MICU1: variants seen among roughly 807,000 people sequenced by gnomAD.
MICU1 encodes mitochondrial calcium uptake 1.
MICU1 carries 45 observed loss-of-function variants against 56.8 expected under a neutral mutation model. The observed-to-expected ratio is 0.79, with a 90% CI of 0.62 to 1.02. The LOEUF is 1.02. MICU1 is among the 50% of genes least tolerant of loss of function. MICU1 has a pLI of 0.00. For synonymous variants in MICU1, 186 were observed against 195.1 expected (o/e 0.95, Z 0.39); for missense variants, 504 against 587.1 (o/e 0.86, Z 1.46).
At position 72,563,018 on chromosome 10, in the gene MICU1, G is replaced by A; in HGVS notation, c.207C>T (p.Asp69=). ...CTTTATTCTTCCCTTTATCACCGAT[G>A]TCACTTTTTAGGTTGTCTACACATG... ...SPPCVDNLKS[D]IGDKGKNKDE... is the part of the protein sequence containing the mutation. The change falls in exon 3 of 12, where the codon GAC becomes GAT. Residue 69 remains aspartate, a synonymous_variant. Coordinates refer to ENST00000361114, the MANE Select transcript of MICU1 (RefSeq NM_001195518.2). The A allele has an allele frequency of 4.4e-6, 7 of 1,603,662 alleles. No individual in the cohort carries two copies. Among genetic ancestry groups the A allele is most frequent in the African/African-American group, 1.3e-5 (1 of 74,570 alleles).
chr10:72,507,182 A>G (rs1025530511), intron 6 of MICU1, among the ~76,000 whole-genome samples: 8 of 152,184 alleles, frequency 5.3e-5, no homozygotes, highest in Non-Finnish European at 1.2e-4. Context: ...AAAAATTGCA[A>G]ATCACTTATT....
At chr10:72,408,107 G>T in intron 9 of MICU1, 70 bp from the exon 10 acceptor site, 1 of 872,334 alleles carries the variant, frequency 1.1e-6, no homozygotes, top group African/African-American at 1.7e-5. Flanking sequence ...CATAGGCAGT[G>T]ATTCACATCT....
At chr10:72,447,207 G>A (rs1177672577) in intron 8 of MICU1, among the ~76,000 whole-genome samples, 1 of 152,144 alleles carries the variant, frequency 6.6e-6, no homozygotes, top group Non-Finnish European at 1.5e-5. Context: ...TACTATGTAT[G>A]GGGCACAAAT....
chr10:72,602,884 G>T (rs898502299), intron 1 of MICU1, among the ~76,000 whole-genome samples: 1 of 151,930 alleles, frequency 6.6e-6, no homozygotes, highest in Non-Finnish European at 1.5e-5. Flanking sequence ...GAGGCAGGCG[G>T]ATCACGAGGT....
chr10:72,573,133 A>G (rs770710031), intron 1 of MICU1, among the ~76,000 whole-genome samples: 27 of 152,136 alleles, frequency 1.8e-4, no homozygotes, highest in Admixed American at 5.2e-4. Flanking sequence ...AGAATGAGAA[A>G]ACTTTATGTA....
intron 10 of MICU1, among the ~76,000 whole-genome samples, chr10:72,407,092 A>C (rs1193731257): frequency 1.3e-5 from 2 of 152,228 alleles, no homozygotes; most frequent in Non-Finnish European, 2.9e-5. Flanking sequence ...TGGTGGAAAA[A>C]TATACAGTAC....
rs544440500 is a variant in MICU1, at chr10:72,452,259, C to G, written c.933+22841G>C. Among the ~76,000 whole-genome samples, 4 of 152,286 alleles carry G rather than the reference C, an allele frequency of 2.6e-5. No homozygotes were observed. In the South Asian group the frequency reaches 6.2e-4, roughly 24 times the overall value. On this transcript the variant is annotated intron_variant, in intron 8 of 11. Coordinates refer to ENST00000361114, the MANE Select transcript of MICU1 (RefSeq NM_001195518.2). Reference sequence around the variant, plus strand: ...CAGGAAGCTGGGAGGCAATAACAAGCCCCAAATCATCTAGGGAGGATACAC... The same window carrying G: ...CAGGAAGCTGGGAGGCAATAACAAGGCCCAAATCATCTAGGGAGGATACAC...
chr10:72,417,300 A>C (rs1209840921), intron 9 of MICU1, among the ~76,000 whole-genome samples: 1 of 151,970 alleles, frequency 6.6e-6, no homozygotes, highest in Non-Finnish European at 1.5e-5. Context: ...AAAACACACA[A>C]AAAATTAGCC....
intron 1 of MICU1, among the ~76,000 whole-genome samples, chr10:72,578,675 T>C (rs531151075): frequency 2.1e-4 from 32 of 152,228 alleles, no homozygotes; most frequent in Admixed American, 1.3e-3. Flanking sequence ...TGGTGCAATC[T>C]TGGCTCACTA....
At chr10:72,477,681 C>T in intron 6 of MICU1, 1 of 760,078 alleles carries the variant, frequency 1.3e-6, no homozygotes, top group Non-Finnish European at 2.1e-6. Flanking sequence ...TAGTCTTACC[C>T]TCACAACAAG....
chr10:72,585,869 C>A (rs80256835), intron 1 of MICU1, among the ~76,000 whole-genome samples: 1 of 151,924 alleles, frequency 6.6e-6, no homozygotes, highest in Non-Finnish European at 1.5e-5. Context: ...AAACTATGCA[C>A]ATCCTGTCAT....
chr10:72,496,690 C>T (rs1233941487), intron 6 of MICU1, among the ~76,000 whole-genome samples: 1 of 152,174 alleles, frequency 6.6e-6, no homozygotes, highest in African/African-American at 2.4e-5. Context: ...CCCACCTTGG[C>T]CTCCCAAAGT....
intron 6 of MICU1, among the ~76,000 whole-genome samples, chr10:72,492,167 A>G (rs985332341): frequency 1.3e-5 from 2 of 152,158 alleles, no homozygotes; most frequent in Non-Finnish European, 2.9e-5. Context: ...CTGTAAATAA[A>G]GACTTTGGCT....
chr10:72,536,357 TA>T (rs1283507152), intron 4 of MICU1, among the ~76,000 whole-genome samples: 1 of 151,984 alleles, frequency 6.6e-6, no homozygotes. Context: ...ATTAATTAAT[TA>T]TTTTTTGAGA....
At chr10:72,592,783 C>CTTT (rs1264231748) in intron 1 of MICU1, among the ~76,000 whole-genome samples, 2 of 137,652 alleles carry the variant, frequency 1.5e-5, no homozygotes, top group African/African-American at 5.3e-5. Context: ...ACTTTTCTTT[C>CTTT]TTTTTTTTTT....
intron 5 of MICU1, chr10:72,509,519 A>C: frequency 1.8e-5 from 14 of 771,686 alleles, no homozygotes; most frequent in Non-Finnish European, 2.3e-5. Flanking sequence ...CAATAAACTC[A>C]TTCAAAATAG....
intron 1 of MICU1, among the ~76,000 whole-genome samples, chr10:72,622,331 C>T (rs184245791): frequency 1.3e-4 from 20 of 152,074 alleles, no homozygotes; most frequent in South Asian, 2.1e-4. Flanking sequence ...AAAGCATCAC[C>T]TCAATTTTTC....
chr10:72,397,991 C>A (rs935276727), intron 10 of MICU1, among the ~76,000 whole-genome samples: 7 of 152,176 alleles, frequency 4.6e-5, no homozygotes, highest in African/African-American at 1.7e-4. Context: ...TTCTTCTCAG[C>A]ACCACATCAC....
chr10:72,477,372 C>CTT, intron 6 of MICU1, 116 bp from the exon 7 acceptor site: 1 of 1,173,498 alleles, frequency 8.5e-7, no homozygotes, highest in Non-Finnish European at 1.2e-6. Context: ...ATAAAAGTGA[C>CTT]TGAGTCAAAG....
Sources: allele counts gnomAD v4.1 joint callset (sites outside exome capture counted in the v4.1 genomes callset), GRCh38; gene constraint gnomAD v4.1.1; transcripts MANE v1.5; gene names NCBI Gene and HGNC (gene_info 2026-07-23, HGNC 2026-07-21).